The following EFNA5 variants were observed in gnomAD, a reference collection of about 807,000 sequenced individuals.
The protein encoded by EFNA5 is ephrin A5.
EFNA5 carries 5 observed loss-of-function variants against 22.9 expected under a neutral mutation model. That is an observed-to-expected ratio of 0.22 (90% CI 0.11 to 0.46). The LOEUF is 0.46. Ranked by LOEUF, EFNA5 falls within the 20% of genes least tolerant of loss-of-function variation. EFNA5 has a pLI of 0.99. For synonymous variants in EFNA5, 113 were observed against 112.2 expected (o/e 1.01, Z -0.04); for missense variants, 237 against 293.3 (o/e 0.81, Z 1.40).
chr5:107,516,686 A>G (rs1240842661), intron 1 of EFNA5, among the ~76,000 whole-genome samples: 1 of 152,206 alleles, frequency 6.6e-6, no homozygotes, highest in African/African-American at 2.4e-5. Context: ...GATGATGGTG[A>G]TGATGTTTTC....
intron 2 of EFNA5, among the ~76,000 whole-genome samples, chr5:107,396,631 A>G (rs1433627414): frequency 6.6e-6 from 1 of 151,664 alleles, no homozygotes; most frequent in Non-Finnish European, 1.5e-5. Flanking sequence ...AACAAGGGTA[A>G]TTAAGTGTGA....
At chr5:107,621,568 A>T (rs1750039806) in intron 1 of EFNA5, among the ~76,000 whole-genome samples, 1 of 152,232 alleles carries the variant, frequency 6.6e-6, no homozygotes, top group African/African-American at 2.4e-5. Flanking sequence ...ATTTTGAGAC[A>T]GGCAAATCCT....
chr5:107,619,214 C>T (rs1185570426), intron 1 of EFNA5, among the ~76,000 whole-genome samples: 4 of 151,784 alleles, frequency 2.6e-5, no homozygotes, highest in African/African-American at 4.8e-5. Flanking sequence ...TGTGAGCCAC[C>T]GCACCCGGCC....
intron 1 of EFNA5, chr5:107,506,198 A>G (rs1289662721): frequency 6.6e-6 from 1 of 152,232 alleles, no homozygotes; most frequent in Admixed American, 6.5e-5. Context: ...TCTCTGGTCC[A>G]TCAAGATATC....
At chr5:107,396,136 T>G (rs1235207784) in intron 2 of EFNA5, among the ~76,000 whole-genome samples, 3 of 152,190 alleles carry the variant, frequency 2.0e-5, no homozygotes, top group African/African-American at 4.8e-5. Flanking sequence ...TAGAAAAAAG[T>G]TAATATTTCT....
intron 1 of EFNA5, among the ~76,000 whole-genome samples, chr5:107,570,250 C>G (rs952306981): frequency 2.0e-5 from 3 of 152,212 alleles, no homozygotes; most frequent in African/African-American, 7.2e-5. Context: ...CAGTTGGTTC[C>G]AAACCCATTG....
intron 1 of EFNA5, among the ~76,000 whole-genome samples, chr5:107,475,530 G>C (rs1166127734): frequency 1.3e-5 from 2 of 152,156 alleles, no homozygotes; most frequent in East Asian, 3.9e-4. Flanking sequence ...GATCCTGGGA[G>C]AAAAATGTCA....
intron 1 of EFNA5, among the ~76,000 whole-genome samples, chr5:107,664,461 CA>C (rs1307671713): frequency 6.6e-6 from 1 of 152,012 alleles, no homozygotes; most frequent in Admixed American, 6.6e-5. Flanking sequence ...AACTTTTCTA[CA>C]AAACAGCTCA....
chr5:107,448,661 T>C (rs2112443557), intron 1 of EFNA5, among the ~76,000 whole-genome samples: 1 of 151,828 alleles, frequency 6.6e-6, no homozygotes, highest in South Asian at 2.1e-4. Flanking sequence ...AAACCCCATC[T>C]CTACTAAAAA....
At chr5:107,534,912 A>G (rs750143728) in intron 1 of EFNA5, among the ~76,000 whole-genome samples, 48 of 152,232 alleles carry the variant, frequency 3.2e-4, no homozygotes, top group Non-Finnish European at 5.7e-4. Flanking sequence ...TCTTTCATGA[A>G]AAATAAATAA....
At chr5:107,665,914 G>A (rs953683011) in intron 1 of EFNA5, among the ~76,000 whole-genome samples, 18 of 152,034 alleles carry the variant, frequency 1.2e-4, no homozygotes, top group Non-Finnish European at 2.4e-4. Context: ...CTTATTTTTA[G>A]CCTGGTACTT....
chr5:107,477,561 G>A (rs1750345210), intron 1 of EFNA5, among the ~76,000 whole-genome samples: 1 of 152,064 alleles, frequency 6.6e-6, no homozygotes, highest in South Asian at 2.1e-4. Flanking sequence ...TATTTTTCAG[G>A]TGTCTTTTGG....
intron 1 of EFNA5, among the ~76,000 whole-genome samples, chr5:107,539,313 C>T (rs1329404685): frequency 6.6e-6 from 1 of 152,360 alleles, no homozygotes; most frequent in African/African-American, 2.4e-5. Flanking sequence ...CCCTGATCCT[C>T]TGACACTGGG....
Position 107,486,897 on chromosome 5 carries a change from A to G in EFNA5, c.126-59388T>C, listed in dbSNP as rs949870577. Among the ~76,000 whole-genome samples the G allele has an allele frequency of 2.0e-5, 3 of 152,202 alleles. No homozygotes were observed. In the East Asian group the frequency reaches 5.8e-4, roughly 29 times the overall value. ...ATGAAAAGAATTTTAGGGTCTCCTC[A>G]GTGTATTTATACTTTAGTTTCCTTC... On this transcript the variant is annotated intron_variant, in intron 1 of 4. Coordinates refer to ENST00000333274, the MANE Select transcript of EFNA5 (RefSeq NM_001962.3).
chr5:107,455,173 G>A (rs964708767), intron 1 of EFNA5, among the ~76,000 whole-genome samples: 3 of 152,154 alleles, frequency 2.0e-5, no homozygotes, highest in Non-Finnish European at 2.9e-5. Flanking sequence ...TTTGTTGGAT[G>A]TGGTGTCATG....
intron 1 of EFNA5, among the ~76,000 whole-genome samples, chr5:107,581,524 G>A (rs927036687): frequency 6.6e-5 from 10 of 151,908 alleles, no homozygotes; most frequent in African/African-American, 2.4e-4. Context: ...TCAATGAAAA[G>A]TGTTTAAAAT....
intron 1 of EFNA5, among the ~76,000 whole-genome samples, chr5:107,580,020 T>C (rs1218795988): frequency 6.6e-6 from 1 of 152,200 alleles, no homozygotes; most frequent in African/African-American, 2.4e-5. Flanking sequence ...TTTTATATGC[T>C]TTGGGTGAGA....
intron 1 of EFNA5, among the ~76,000 whole-genome samples, chr5:107,536,959 G>T (rs1213851306): frequency 6.6e-6 from 1 of 151,430 alleles, no homozygotes; most frequent in Non-Finnish European, 1.5e-5. Flanking sequence ...ATAAAAATTA[G>T]CTGGGTGTGG....
chr5:107,427,433 A>C lies in EFNA5; in HGVS notation c.202T>G (p.Ser68Ala). The change falls in exon 2 of 5, where the codon TCC becomes GCC. Residue 68 changes from serine to alanine, a missense_variant. This residue lies in a region of EFNA5 where 120 missense variants were observed against 140.5 expected (regional missense o/e 0.85). Transcript: ENST00000333274. ...LDVFCPHYEDSVPEDKTERYV... is the reference protein window; with the variant it reads ...LDVFCPHYEDAVPEDKTERYV... ...CGCTCAGTCTTATCTTCTGGGACGGAGTCCTCATAGTGAGGGCAGAAAACA... is the reference window on the plus strand; with the variant it reads ...CGCTCAGTCTTATCTTCTGGGACGGCGTCCTCATAGTGAGGGCAGAAAACA... 6.2e-7 allele frequency: 1 copy of C among 1,614,058 alleles called. No homozygotes were observed. The highest frequency in any genetic ancestry group is 8.5e-7 in the Non-Finnish European group (1 of 1,179,996).
Sources: allele counts gnomAD v4.1 joint callset (sites outside exome capture counted in the v4.1 genomes callset), GRCh38; gene constraint gnomAD v4.1.1; regional missense constraint gnomAD v4.1.1; transcripts MANE v1.5; gene names NCBI Gene and HGNC (gene_info 2026-07-23, HGNC 2026-07-21).